CASP2: variants seen among roughly 807,000 people sequenced by gnomAD.
The protein encoded by CASP2 is caspase-2.
Under a neutral mutation model 54.4 loss-of-function variants are expected in CASP2, and 38 were observed. The observed-to-expected ratio is 0.70, with a 90% CI of 0.54 to 0.92. The LOEUF (loss-of-function observed/expected upper bound fraction) is 0.92. CASP2 is among the 40% of genes least tolerant of loss of function. The pLI is 0.00. For missense variants in CASP2, 512 were observed against 579.6 expected (o/e 0.88, Z 1.20); for synonymous variants, 215 against 216.3 (o/e 0.99, Z 0.05).
chr7:143,299,373 C>T (rs182676281), intron 6 of CASP2, among the ~76,000 whole-genome samples: 2 of 152,276 alleles, frequency 1.3e-5, no homozygotes, highest in East Asian at 1.9e-4. Context: ...TCCTTCATAG[C>T]GTGCTCTTTC....
Position 143,292,472 on chromosome 7 carries a change from G to A in CASP2, c.393+5G>A. On this transcript the variant is annotated splice_donor_5th_base_variant and intron_variant, in intron 3 of 10. Coordinates refer to ENST00000310447, the MANE Select transcript of CASP2 (RefSeq NM_032982.4). ...CTTCAGCATGTACTCCCACCGGTAT[G>A]AAGCTTTAGTAATATGGGGTGTTGG... 6.2e-7 allele frequency: 1 copy of A among 1,614,170 alleles called. No individual in the cohort carries two copies. The highest frequency in any genetic ancestry group is 8.5e-7 in the Non-Finnish European group (1 of 1,180,016).
Position 143,305,027 on chromosome 7 carries a change from C to G in CASP2, c.1315C>G (p.Leu439Val). 3.1e-6 allele frequency: 5 copies of G among 1,614,142 alleles called. No homozygotes were observed. The highest frequency in any genetic ancestry group is 3.4e-6 in the Non-Finnish European group (4 of 1,179,952). The stretch of plus-strand genomic sequence containing the variant: ...GGAGATGTCTGAATACTGCAGCACT[C>G]TGTGCCGCCACCTCTACCTGTTCCC... The part of the protein sequence containing the change: ...CKEMSEYCST[L>V]CRHLYLFPGH... The change falls in exon 11 of 11, where the codon CTG (leucine) becomes GTG (valine). Residue 439 changes from leucine (L) to valine (V), a missense_variant. Transcript: ENST00000310447.
chr7:143,288,665 G>C, intron 1 of CASP2, 136 bp downstream of exon 1: 1 of 827,656 alleles, frequency 1.2e-6, no homozygotes, highest in Non-Finnish European at 1.9e-6. Context: ...GCCAAGGGTG[G>C]GACGCCCGCC....
intron 3 of CASP2, 31 bp from the exon 4 acceptor site, chr7:143,292,586 G>A (rs1172876311): frequency 3.1e-6 from 5 of 1,610,130 alleles, no homozygotes; most frequent in African/African-American, 2.7e-5. Flanking sequence ...CTTCCCTAAG[G>A]TCTGTCATCA....
chr7:143,300,157 C>T, intron 7 of CASP2, 47 bp from the exon 8 acceptor site: 1 of 1,611,010 alleles, frequency 6.2e-7, no homozygotes, highest in Non-Finnish European at 8.5e-7. Context: ...ACTTAGGAGG[C>T]CCCGCTGAAT....
At chr7:143,288,889 C>G (rs974703630) in intron 1 of CASP2, among the ~76,000 whole-genome samples, 1 of 152,258 alleles carries the variant, frequency 6.6e-6, no homozygotes, top group Non-Finnish European at 1.5e-5. Flanking sequence ...AAAGACCATA[C>G]TCTGTCTCCT....
chr7:143,288,388 G>T lies in CASP2; in HGVS notation c.-68G>T. 2 of 1,508,194 alleles carry T rather than the reference G, an allele frequency of 1.3e-6. No homozygotes were observed. The highest frequency in any genetic ancestry group is 1.8e-6 in the Non-Finnish European group (2 of 1,092,730). 93.4% of individuals were successfully genotyped at this position (1,508,194 alleles called of 1,614,324 possible). On this transcript the variant is annotated 5_prime_UTR_variant, in exon 1 of 11. Coordinates refer to ENST00000310447, the MANE Select transcript of CASP2 (RefSeq NM_032982.4). ...CGCGTCTGAGGGGAGGGATGTGGGG[G>T]AAGCGACGGCCCCCGGTTTGTTTGG...
chr7:143,306,843 C>T lies in CASP2; in HGVS notation c.*1772C>T, dbSNP rs1802080035. 1.3e-5 allele frequency: 2 copies of T among 152,154 alleles called. No homozygotes were observed. Among genetic ancestry groups the T allele is most frequent in the Non-Finnish European group, 1.5e-5 (1 of 68,064 alleles). 9.4% of individuals were successfully genotyped at this position (152,154 alleles called of 1,614,324 possible). The stretch of plus-strand genomic sequence containing the variant: ...AATCTGATCACCCCCCTGCTTAGAA[C>T]CCTTCTGCTTTCTATTACCCCTCAT... On this transcript the variant is annotated 3_prime_UTR_variant, in exon 11 of 11. Transcript: ENST00000310447.
At chr7:143,293,277 G>A in intron 4 of CASP2, 2 of 488,926 alleles carry the variant, frequency 4.1e-6, no homozygotes, top group South Asian at 7.0e-5. Context: ...ACAGGTGCAT[G>A]CCACCACACC....
chr7:143,296,214 G>A (rs1801743673), intron 6 of CASP2, among the ~76,000 whole-genome samples: 1 of 152,206 alleles, frequency 6.6e-6, no homozygotes, highest in African/African-American at 2.4e-5. Context: ...TGGTAAGCCT[G>A]ATGCATATTC....
chr7:143,302,219 C>G (rs1442706161), intron 8 of CASP2: 1 of 152,160 alleles, frequency 6.6e-6, no homozygotes, highest in African/African-American at 2.4e-5. Context: ...TGGCCTGTTT[C>G]CTTTAGGCGT....
At chr7:143,288,891 C>T (rs1363362049) in intron 1 of CASP2, among the ~76,000 whole-genome samples, 1 of 152,266 alleles carries the variant, frequency 6.6e-6, no homozygotes, top group East Asian at 1.9e-4. Context: ...AGACCATACT[C>T]TGTCTCCTTA....
chr7:143,299,325 A>G (rs1801846963), intron 6 of CASP2, among the ~76,000 whole-genome samples: 1 of 152,228 alleles, frequency 6.6e-6, no homozygotes, highest in African/African-American at 2.4e-5. Flanking sequence ...ATCTGAACCC[A>G]GGACCTGTGT....
chr7:143,293,117 T>TC, intron 4 of CASP2: 1 of 606,044 alleles, frequency 1.7e-6, no homozygotes, highest in Non-Finnish European at 2.9e-6. Context: ...TTTTTTTGTT[T>TC]TTTTTTTTTT....
rs1412697436 is a variant in CASP2, at chr7:143,292,431, C to T, written c.357C>T (p.Leu119=). 4 of 1,613,994 alleles carry T rather than the reference C, an allele frequency of 2.5e-6. No individual in the cohort carries two copies. The highest frequency in any genetic ancestry group is 3.4e-6 in the Non-Finnish European group (4 of 1,180,044). ...AAGGCCACCTGGAGGATATGTTGCT[C>T]ACCACCCTTTCTGGGCTTCAGCATG... ...TKQGHLEDML[L]TTLSGLQHVL... is the part of the protein sequence containing the mutation. Residue 119 remains leucine, a synonymous_variant, in exon 3 of 11, where the codon CTC becomes CTT. Coordinates refer to ENST00000310447, the MANE Select transcript of CASP2 (RefSeq NM_032982.4).
Position 143,294,653 on chromosome 7 carries a change from C to T in CASP2, c.627C>T (p.His209=), listed in dbSNP as rs1321636683. 6.2e-7 allele frequency: 1 copy of T among 1,614,066 alleles called. No homozygotes were observed. The highest frequency in any genetic ancestry group is 8.5e-7 in the Non-Finnish European group (1 of 1,180,026). ...RGLALVLSNV[H]FTGEKELEFR... ...TAGCACTGGTGTTGAGCAATGTGCA[C>T]TTCACTGGAGAGAAAGAACTGGAAT... The change falls in exon 6 of 11, where the codon CAC becomes CAT. Residue 209 remains histidine (H), a synonymous_variant. Transcript: ENST00000310447.
intron 4 of CASP2, 117 bp downstream of exon 4, chr7:143,292,815 A>G: frequency 1.3e-6 from 1 of 778,588 alleles, no homozygotes; most frequent in Non-Finnish European, 2.3e-6. Context: ...GTTCGAGACC[A>G]GCCTGGCCAA....
intron 6 of CASP2, among the ~76,000 whole-genome samples, chr7:143,299,080 C>G (rs1293783151): frequency 6.6e-6 from 1 of 152,010 alleles, no homozygotes; most frequent in South Asian, 2.1e-4. Flanking sequence ...CCACCGTAGC[C>G]TTTAGAGTAG....
chr7:143,291,135 G>C (rs948759728), intron 1 of CASP2, among the ~76,000 whole-genome samples: 1 of 152,172 alleles, frequency 6.6e-6, no homozygotes, highest in Non-Finnish European at 1.5e-5. Flanking sequence ...CCTCATCTAA[G>C]ATCATTATAA....
Sources: allele counts gnomAD v4.1 joint callset (sites outside exome capture counted in the v4.1 genomes callset), GRCh38; gene constraint gnomAD v4.1.1; transcripts MANE v1.5; gene names NCBI Gene and HGNC (gene_info 2026-07-23, HGNC 2026-07-21).